The following EML2 variants were observed in gnomAD, a reference collection of about 807,000 sequenced individuals.
The protein encoded by EML2 is EMAP like 2.
In EML2, 59 loss-of-function variants were observed where a neutral mutation model predicts 84.7. The ratio of observed to expected loss-of-function variants is 0.70; its 90% CI spans 0.56 to 0.86. The LOEUF (loss-of-function observed/expected upper bound fraction) is 0.86. Ranked by LOEUF, EML2 falls within the 40% of genes least tolerant of loss-of-function variation. The probability of loss-of-function intolerance (pLI) is 0.00; values close to 1 mark genes in which losing one functional copy is unlikely to be tolerated. For missense variants in EML2, 818 were observed against 855.6 expected (o/e 0.96, Z 0.55); for synonymous variants, 352 against 348.9 (o/e 1.01, Z -0.10).
At chr19:45,621,813 C>T (rs1451861314) in intron 9 of EML2, among the ~76,000 whole-genome samples, 176 bp from the exon 10 acceptor site, 4 of 151,454 alleles carry the variant, frequency 2.6e-5, no homozygotes, top group African/African-American at 9.7e-5. Context: ...GGTGCTATCT[C>T]GGCCCACTTC....
intron 8 of EML2, among the ~76,000 whole-genome samples, chr19:45,625,716 G>A (rs1168317537): frequency 6.6e-6 from 1 of 152,116 alleles, no homozygotes; most frequent in East Asian, 1.9e-4. Flanking sequence ...TGGGGTGGAA[G>A]CCCCATCTCT....
At chr19:45,619,242 C>T (rs751007431) in intron 11 of EML2, 51 bp from the exon 12 acceptor site, 3 of 1,563,450 alleles carry the variant, frequency 1.9e-6, no homozygotes, top group Non-Finnish European at 2.6e-6. Flanking sequence ...TGGCCTTTTC[C>T]CACTCAACAC....
chr19:45,618,806 A>G (rs7248332), intron 12 of EML2: 132,786 of 228,690 alleles, frequency 0.58, 41,976 homozygotes, highest in African/African-American at 0.87. Flanking sequence ...AATTAGCTGG[A>G]CATGGTGGTG....
intron 18 of EML2, among the ~76,000 whole-genome samples, 170 bp from the exon 19 acceptor site, chr19:45,609,958 C>T (rs531252928): frequency 2.6e-5 from 4 of 151,804 alleles, no homozygotes; most frequent in African/African-American, 9.7e-5. Context: ...CAGCCTTGAC[C>T]TCCTGGGCTG....
At chr19:45,643,698 C>T (rs922169679), upstream of EML2, 21 of 1,535,280 alleles carry the variant, frequency 1.4e-5, no homozygotes, top group African/African-American at 2.6e-4. Context: ...CGTCCACAGG[C>T]CGCGCAGCTG....
chr19:45,612,057 CT>C (rs150881342), intron 18 of EML2, among the ~76,000 whole-genome samples: 233 of 144,890 alleles, frequency 1.6e-3, no homozygotes, highest in Non-Finnish European at 1.7e-3. Flanking sequence ...TTTTTGTATT[CT>C]TTTTTTTTTT....
At position 45,635,025 on chromosome 19, in the gene EML2, A is replaced by G. The variant is rs536046657; in HGVS notation, c.180-554T>C. ...GCCACCACACCCAGCTAATTTTTGT[A>G]TTTTTAATAGAGATGGGATTTCACC... On this transcript the variant is annotated intron_variant, in intron 3 of 18. Coordinates refer to ENST00000245925, the MANE Select transcript of EML2 (RefSeq NM_012155.4). 9.2e-4 allele frequency among the ~76,000 whole-genome samples: 139 copies of G among 150,830 alleles called. 2 individuals carry two copies. Among genetic ancestry groups the G allele is most frequent in the African/African-American group, 3.1e-3 (127 of 40,914 alleles).
chr19:45,616,973 C>T (rs144664468), intron 13 of EML2, 120 bp from the exon 14 acceptor site: 123 of 735,676 alleles, frequency 1.7e-4, no homozygotes, highest in African/African-American at 5.7e-4. Context: ...GGGCTGGGCA[C>T]GGTGGCTCAG....
intron 6 of EML2, 62 bp downstream of exon 6, chr19:45,632,799 T>G (rs1363390625): frequency 7.2e-6 from 10 of 1,397,522 alleles, no homozygotes; most frequent in African/African-American, 1.4e-5. Flanking sequence ...GGTGAAAAGG[T>G]GCGGGCACTT....
chr19:45,632,573 T>C, intron 6 of EML2: 1 of 358,504 alleles, frequency 2.8e-6, no homozygotes, highest in Non-Finnish European at 5.2e-6. Flanking sequence ...AGGCATACTC[T>C]CGCTTTCTGT....
chr19:45,639,351 T>C lies in EML2; in HGVS notation c.20+6A>G. 1 of 1,303,592 alleles carries C rather than the reference T, an allele frequency of 7.7e-7. No homozygotes were observed. Among genetic ancestry groups the C allele is most frequent in the Admixed American group, 3.9e-5 (1 of 25,332 alleles). 80.8% of individuals were successfully genotyped at this position (1,303,592 alleles called of 1,614,324 possible). A position where few individuals can be genotyped will look rare whatever the true frequency, so the allele number is the denominator to read the frequency against. ...AGATGGGGGGTGGTCTGCGAAAGGG[T>C]CTCACCCAGCTCCAAAGCTACTCAT... On this transcript the variant is annotated splice_donor_region_variant and intron_variant, in intron 1 of 18. Coordinates refer to ENST00000245925, the MANE Select transcript of EML2 (RefSeq NM_012155.4).
chr19:45,638,645 ACC>A lies in EML2; in HGVS notation c.50-13_50-12del, dbSNP rs1473088786. 3 of 1,612,488 alleles carry A rather than the reference ACC, an allele frequency of 1.9e-6. No homozygotes were observed. In the East Asian group the frequency reaches 6.7e-5, roughly 36 times the overall value. ...TCACGGAGCCATCCTCTGCCAGGACACCCCCAGAGGTCAGGCACTGACACCAG... is the reference window on the plus strand; with the variant it reads ...TCACGGAGCCATCCTCTGCCAGGACACCCAGAGGTCAGGCACTGACACCAG... On this transcript the variant is annotated splice_polypyrimidine_tract_variant and intron_variant, in intron 2 of 18. Coordinates refer to ENST00000245925, the MANE Select transcript of EML2 (RefSeq NM_012155.4).
chr19:45,643,509 A>AT, upstream of EML2: 3 of 1,471,924 alleles, frequency 2.0e-6, no homozygotes, highest in South Asian at 3.9e-5. Context: ...AACCCCGCTC[A>AT]TTTTCCCAAA....
Position 45,634,500 on chromosome 19 carries a change from A to G in EML2, c.180-29T>C, listed in dbSNP as rs186448294. 251 of 1,578,276 alleles carry G rather than the reference A, an allele frequency of 1.6e-4. 1 individual carries two copies. The African/African-American group carries it at 2.4e-3, about 15-fold the overall frequency. ...GAGCCACCCAGGGGCTGGTTAAGGAATGTGTTTTGTTGTTGTTGTTTGTTT... is the reference window on the plus strand; with the variant it reads ...GAGCCACCCAGGGGCTGGTTAAGGAGTGTGTTTTGTTGTTGTTGTTTGTTT... On this transcript the variant is annotated intron_variant, in intron 3 of 18. Coordinates refer to ENST00000245925, the MANE Select transcript of EML2 (RefSeq NM_012155.4).
At position 45,634,419 on chromosome 19, in the gene EML2, C is replaced by A. The variant is rs772097320; in HGVS notation, c.232G>T (p.Gly78Trp). 1 of 1,613,850 alleles carries A rather than the reference C, an allele frequency of 6.2e-7. No individual in the cohort carries two copies. Among genetic ancestry groups the A allele is most frequent in the African/African-American group, 1.3e-5 (1 of 74,908 alleles). Reference sequence around the variant, plus strand: ...GAGGCCACAAAGTACACTATCTCCCCGGTGGGCAGCAAATAAAGGTTGGCC... The same window carrying A: ...GAGGCCACAAAGTACACTATCTCCCAGGTGGGCAGCAAATAAAGGTTGGCC... ...CRANLYLLPT[G>W]EIVYFVASVA... The change falls in exon 4 of 19, where the codon GGG becomes TGG. Residue 78 changes from glycine to tryptophan, a missense_variant. Transcript: ENST00000245925.
upstream of EML2, chr19:45,643,730 AGCC>A (rs1326504080): frequency 7.9e-6 from 12 of 1,527,654 alleles, no homozygotes; most frequent in Non-Finnish European, 1.1e-5. Context: ...TCCGCAGTGC[AGCC>A]GCCGCTCCTC....
intron 11 of EML2, chr19:45,619,442 CA>C (rs1447222055): frequency 1.0e-5 from 3 of 299,280 alleles, no homozygotes; most frequent in African/African-American, 6.4e-5. Context: ...CAATGGGAGG[CA>C]GGAGGGCATG....
rs893379067 is a variant in EML2, at chr19:45,638,563, T to C, written c.121A>G (p.Thr41Ala). The C allele has an allele frequency of 2.5e-6, 4 of 1,613,946 alleles. No homozygotes were observed. The highest frequency in any genetic ancestry group is 2.2e-5 in the East Asian group (1 of 44,894). Residue 41 changes from threonine to alanine, a missense_variant, in exon 3 of 19, where the codon ACC becomes GCC. By Grantham distance (58) the Thr-to-Ala change is moderately conservative. Coordinates refer to ENST00000245925, the MANE Select transcript of EML2 (RefSeq NM_012155.4). ...TCCGAGCGTGTGTCCAGGCTGTAGGTGGGTGCCAGCTCGTCTGGGATCATC... is the reference window on the plus strand; with the variant it reads ...TCCGAGCGTGTGTCCAGGCTGTAGGCGGGTGCCAGCTCGTCTGGGATCATC... ...PMMIPDELAPTYSLDTRSELP... is the reference protein window; with the variant it reads ...PMMIPDELAPAYSLDTRSELP...
At chr19:45,636,901 C>T (rs974036429) in intron 3 of EML2, among the ~76,000 whole-genome samples, 5 of 152,230 alleles carry the variant, frequency 3.3e-5, no homozygotes, top group Non-Finnish European at 7.3e-5. Context: ...GAGCCAAGAT[C>T]GTGCCACTGC....
Sources: gnomAD v4.1 joint callset for allele counts (sites outside exome capture counted in the v4.1 genomes callset) on GRCh38, gnomAD v4.1.1 for gene constraint, MANE v1.5 for transcripts, NCBI Gene and HGNC (gene_info 2026-07-23, HGNC 2026-07-21) for gene names.